The following CEP128 variants were observed in gnomAD, a reference collection of about 807,000 sequenced individuals.
CEP128 encodes centrosomal protein 128, also known as centrosomal protein 128kDa.
In CEP128, 132 loss-of-function variants were observed where a neutral mutation model predicts 156.7. The observed-to-expected ratio is 0.84, with a 90% CI of 0.73 to 0.97. The LOEUF (loss-of-function observed/expected upper bound fraction) is 0.97, where lower values mean the gene tolerates loss of function less well. CEP128 is among the 50% of genes least tolerant of loss of function. The pLI is 0.00. For missense variants in CEP128, 1,252 were observed against 1,281.9 expected, an observed-to-expected ratio of 0.98 and a Z score of 0.36; for synonymous variants, 469 against 448.9, an observed-to-expected ratio of 1.04 and a Z score of -0.57.
chr14:80,595,385 T>C (rs1892270033), intron 19 of CEP128, among the ~76,000 whole-genome samples: 1 of 152,152 alleles, frequency 6.6e-6, no homozygotes, highest in Non-Finnish European at 1.5e-5. Context: ...GATGGGTTGA[T>C]GGGTGCAGCA....
chr14:80,578,077 A>G (rs958973762), intron 20 of CEP128, among the ~76,000 whole-genome samples: 1 of 152,158 alleles, frequency 6.6e-6, no homozygotes, highest in Admixed American at 6.6e-5. Context: ...ATGACAAACA[A>G]GGACAGATGT....
chr14:80,953,292 G>A (rs1043786759), intron 2 of CEP128, among the ~76,000 whole-genome samples: 4 of 152,190 alleles, frequency 2.6e-5, no homozygotes, highest in Non-Finnish European at 4.4e-5. Flanking sequence ...ATATTAAAAA[G>A]ATGATAAACA....
intron 21 of CEP128, among the ~76,000 whole-genome samples, chr14:80,535,070 T>C (rs1594961552): frequency 6.6e-6 from 1 of 152,206 alleles, no homozygotes; most frequent in Non-Finnish European, 1.5e-5. Context: ...GACCTAGAAG[T>C]AGGGTCAAAG....
chr14:80,791,445 A>T (rs950622897), intron 14 of CEP128, among the ~76,000 whole-genome samples: 7 of 152,220 alleles, frequency 4.6e-5, no homozygotes, highest in Admixed American at 6.5e-5. Context: ...GACTGGAATT[A>T]CTGTATGATA....
intron 19 of CEP128, among the ~76,000 whole-genome samples, chr14:80,618,491 T>C (rs1893324907): frequency 6.6e-6 from 1 of 152,120 alleles, no homozygotes; most frequent in African/African-American, 2.4e-5. Flanking sequence ...AACAAATACA[T>C]AGTTGAATTC....
intron 19 of CEP128, among the ~76,000 whole-genome samples, chr14:80,729,523 A>AT (rs1898183985): frequency 6.6e-6 from 1 of 152,118 alleles, no homozygotes; most frequent in African/African-American, 2.4e-5. Context: ...CATAATCTTC[A>AT]TAAATTCCCT....
rs910645665 is a variant in CEP128, at chr14:80,829,946, T to C, written c.1209+1197A>G. On this transcript the variant is annotated intron_variant, in intron 13 of 24. Coordinates refer to ENST00000555265, the MANE Select transcript of CEP128 (RefSeq NM_152446.5). ...CATGATGGCAAGTGAAAAGAAACAA[T>C]GTGAAGGAAGGAAAGAAGGGAGGGA... 7.2e-5 allele frequency among the ~76,000 whole-genome samples: 11 copies of C among 152,078 alleles called. No individual in the cohort carries two copies. The East Asian group carries it at 1.5e-3, about 21-fold the overall frequency.
In CEP128 at chr14:80,949,819, A is replaced by T. The variant is rs536610154; in HGVS notation, c.-172+8359T>A. Reference sequence around the variant, plus strand: ...TCCAAACAAAAATTATCAGGCATACAAAGAATAGAAAATGCAACCCATTTT... The same window carrying T: ...TCCAAACAAAAATTATCAGGCATACTAAGAATAGAAAATGCAACCCATTTT... On this transcript the variant is annotated intron_variant, in intron 2 of 7. Coordinates refer to the CEP128 transcript ENST00000555529. Among the ~76,000 whole-genome samples, 3 of 152,332 alleles carry T rather than the reference A, an allele frequency of 2.0e-5. No individual in the cohort carries two copies. The South Asian group carries it at 6.2e-4, about 32-fold the overall frequency.
intron 8 of CEP128, among the ~76,000 whole-genome samples, chr14:80,884,951 T>C (rs1888725879): frequency 1.3e-5 from 2 of 152,120 alleles, no homozygotes. Context: ...AAGTCGAACT[T>C]GGTGGTGGGA....
chr14:80,916,372 C>A (rs1394852767), intron 3 of CEP128, 29 bp downstream of exon 3: 11 of 1,571,784 alleles, frequency 7.0e-6, no homozygotes, highest in African/African-American at 1.4e-5. Flanking sequence ...TATTTAAATT[C>A]TATTAAATGC....
intron 19 of CEP128, among the ~76,000 whole-genome samples, chr14:80,729,086 T>TGTGTCTGTGTGTGC (rs1225793304): frequency 9.0e-5 from 6 of 66,588 alleles, no homozygotes; most frequent in African/African-American, 2.0e-4. Flanking sequence ...TGTGTGTGTG[T>TGTGTCTGTGTGTGC]GTGTGTGTGT....
intron 16 of CEP128, among the ~76,000 whole-genome samples, chr14:80,776,199 C>T (rs1035921762): frequency 6.6e-6 from 1 of 152,078 alleles, no homozygotes; most frequent in Non-Finnish European, 1.5e-5. Context: ...ATATAAAACA[C>T]ATTAATGCAA....
intron 19 of CEP128, among the ~76,000 whole-genome samples, chr14:80,729,058 G>GGGC (rs1898141728): frequency 9.5e-6 from 1 of 105,024 alleles, no homozygotes; most frequent in African/African-American, 5.0e-5. Flanking sequence ...GGCTGGTGGG[G>GGGC]GTGTGTGTGT....
intron 16 of CEP128, among the ~76,000 whole-genome samples, chr14:80,770,104 T>C (rs1900440514): frequency 6.6e-6 from 1 of 152,216 alleles, no homozygotes; most frequent in Non-Finnish European, 1.5e-5. Flanking sequence ...TGCCTTCTCC[T>C]CTAGACCCTT....
chr14:80,744,374 A>G (rs1898989237), intron 18 of CEP128, among the ~76,000 whole-genome samples: 1 of 152,140 alleles, frequency 6.6e-6, no homozygotes, highest in South Asian at 2.1e-4. Context: ...AAAATTATTA[A>G]TATAAAGTCT....
intron 2 of CEP128, among the ~76,000 whole-genome samples, chr14:80,953,060 AC>A (rs1420737622): frequency 6.6e-6 from 1 of 152,228 alleles, no homozygotes; most frequent in Non-Finnish European, 1.5e-5. Context: ...GGAGAATTCT[AC>A]CAAATAAGTA....
chr14:80,598,660 T>A (rs1892445689), intron 19 of CEP128, among the ~76,000 whole-genome samples: 1 of 152,140 alleles, frequency 6.6e-6, no homozygotes, highest in Non-Finnish European at 1.5e-5. Context: ...CTCGAATAAG[T>A]AAAACAATTT....
chr14:80,941,349 A>T (rs1477512360), intron 1 of CEP128, among the ~76,000 whole-genome samples: 1 of 152,040 alleles, frequency 6.6e-6, no homozygotes, highest in Non-Finnish European at 1.5e-5. Context: ...TCGCTGGGTA[A>T]CCTGGCCAGG....
At position 80,529,662 on chromosome 14, in the gene CEP128, T is replaced by C. The variant is rs186321640; in HGVS notation, c.2958+1147A>G. On this transcript the variant is annotated intron_variant, in intron 22 of 24. Transcript: ENST00000555265. ...GTTACAGAGAAAAAAATGAAAATAA[T>C]ATGGGCATAACATATTGTCTCCTAT... Among the ~76,000 whole-genome samples the C allele has an allele frequency of 5.9e-5, 9 of 152,314 alleles. No individual in the cohort carries two copies. The East Asian group carries it at 1.5e-3, about 26-fold the overall frequency.
Sources: allele counts gnomAD v4.1 joint callset (sites outside exome capture counted in the v4.1 genomes callset), GRCh38; gene constraint gnomAD v4.1.1; transcripts MANE v1.5; gene names NCBI Gene and HGNC (gene_info 2026-07-23, HGNC 2026-07-21).